The following BICRA variants were observed in gnomAD, a reference collection of about 807,000 sequenced individuals.
The protein encoded by BICRA is BRD4 interacting chromatin remodeling complex associated protein.
A neutral mutation model predicts 96.9 loss-of-function variants in BICRA; 31 were observed. The observed-to-expected ratio is 0.32, with a 90% CI of 0.24 to 0.43. The LOEUF (loss-of-function observed/expected upper bound fraction) is 0.43. BICRA is among the 20% of genes least tolerant of loss of function. The pLI is 1.00. For missense variants in BICRA, 2,283 were observed against 2,190.3 expected, an observed-to-expected ratio of 1.04 and a Z score of -0.84; for synonymous variants, 1,350 against 1,071.8, an observed-to-expected ratio of 1.26 and a Z score of -5.07.
In BICRA at chr19:47,679,701, C is replaced by G. The variant is rs1311645644; in HGVS notation, c.531C>G (p.Thr177=). Reference sequence around the variant, plus strand: ...TGCAGGGCCCGCCTACCGTGCTGACCCACCAGGCCCTGGTGCCGCCCCAGG... The same window carrying G: ...TGCAGGGCCCGCCTACCGTGCTGACGCACCAGGCCCTGGTGCCGCCCCAGG... ...LGLQGPPTVL[T]HQALVPPQDV... Residue 177 remains threonine, a synonymous_variant, in exon 6 of 15, where the codon ACC becomes ACG. Coordinates refer to ENST00000594866, the MANE Select transcript of BICRA (RefSeq NM_001394372.1). The G allele has an allele frequency of 1.3e-6, 2 of 1,533,332 alleles. No homozygotes were observed. The highest frequency in any genetic ancestry group is 2.5e-5 in the East Asian group (1 of 40,462). 95.0% of individuals were successfully genotyped at this position (1,533,332 alleles called of 1,614,324 possible).
chr19:47,611,078 G>A (rs1285885762), intron 1 of BICRA, among the ~76,000 whole-genome samples: 1 of 152,156 alleles, frequency 6.6e-6, no homozygotes, highest in African/African-American at 2.4e-5. Flanking sequence ...GAGGCTCAGA[G>A]AGGTTAAGAA....
chr19:47,682,991 G>A (rs10418509), intron 7 of BICRA, among the ~76,000 whole-genome samples: 49,379 of 152,004 alleles, frequency 0.32, 8,614 homozygotes, highest in African/African-American at 0.46. Context: ...ATTCTCTTGT[G>A]TGACTGCGTA....
Position 47,694,383 on chromosome 19 carries a change from C to T in BICRA, c.2552C>T (p.Ala851Val). ...GTTCCCCCGCCTGCCAGCAACCCGG[C>T]CCCTACTGCCCCAGGCCCGCCGCAG... ...LGVPPPASNPAPTAPGPPQPP... is the reference protein window; with the variant it reads ...LGVPPPASNPVPTAPGPPQPP... Residue 851 changes from alanine (A) to valine (V), a missense_variant, in exon 8 of 15, where the codon GCC (alanine) becomes GTC (valine). Transcript: ENST00000594866. The T allele has an allele frequency of 1.7e-6, 2 of 1,162,440 alleles. No individual in the cohort carries two copies. Among genetic ancestry groups the T allele is most frequent in the Non-Finnish European group, 1.3e-6 (1 of 792,960 alleles). The allele number at this position is 1,162,440 out of a possible 1,614,324, so 72.0% of individuals were successfully genotyped here. A position where few individuals can be genotyped will look rare whatever the true frequency, so the allele number is the denominator to read the frequency against.
chr19:47,668,276 G>C (rs1393061718), intron 1 of BICRA, among the ~76,000 whole-genome samples: 1 of 152,102 alleles, frequency 6.6e-6, no homozygotes, highest in Non-Finnish European at 1.5e-5. Flanking sequence ...CACAGATCCC[G>C]TATTTGCGAA....
chr19:47,629,463 A>G (rs190060828), intron 1 of BICRA, among the ~76,000 whole-genome samples: 1 of 152,134 alleles, frequency 6.6e-6, no homozygotes, highest in African/African-American at 2.4e-5. Flanking sequence ...CACTTATTGT[A>G]TTGTCCTGAA....
chr19:47,650,476 C>T (rs182213432), intron 1 of BICRA, among the ~76,000 whole-genome samples: 9 of 152,248 alleles, frequency 5.9e-5, no homozygotes, highest in East Asian at 5.8e-4. Flanking sequence ...AGGCTGGTCT[C>T]GAACTCCTGA....
At chr19:47,664,910 CTG>C (rs749494333) in intron 1 of BICRA, among the ~76,000 whole-genome samples, 50,634 of 151,670 alleles carry the variant, frequency 0.33, 8,993 homozygotes, top group East Asian at 0.58. Flanking sequence ...AGCAGGCCCA[CTG>C]GGTGGGGGGC....
chr19:47,644,766 G>T (rs1310196383), intron 1 of BICRA, among the ~76,000 whole-genome samples: 1 of 152,192 alleles, frequency 6.6e-6, no homozygotes, highest in African/African-American at 2.4e-5. Context: ...CTCCCAAAGT[G>T]CTGGGATTCC....
chr19:47,614,763 A>G (rs951778570), intron 1 of BICRA, among the ~76,000 whole-genome samples: 2 of 152,146 alleles, frequency 1.3e-5, no homozygotes, highest in African/African-American at 2.4e-5. Flanking sequence ...TCTTGGCTGC[A>G]TGGTATTCCT....
intron 4 of BICRA, 29 bp downstream of exon 4, chr19:47,673,791 CCT>C (rs1972901703): frequency 6.3e-7 from 1 of 1,587,958 alleles, no homozygotes; most frequent in Non-Finnish European, 8.6e-7. Flanking sequence ...AGAGGCATTC[CCT>C]GAGTGGGGGG....
intron 14 of BICRA, chr19:47,700,717 C>G (rs2075480320): frequency 6.6e-6 from 1 of 151,700 alleles, no homozygotes. Flanking sequence ...TCGCTTGAAC[C>G]CAGGAGGCGG....
At chr19:47,695,342 T>TCGGGGGCCCCCCCCCC in intron 9 of BICRA, 23 bp from the exon 10 acceptor site, 1 of 630,178 alleles carries the variant, frequency 1.6e-6, no homozygotes, top group East Asian at 2.8e-5. Context: ...AGGCCCTGTC[T>TCGGGGGCCCCCCCCCC]CCCCCACCCC....
Position 47,694,368 on chromosome 19 carries a change from C to T in BICRA, c.2537C>T (p.Pro846Leu). 7.6e-7 allele frequency: 1 copy of T among 1,312,938 alleles called. No individual in the cohort carries two copies. The highest frequency in any genetic ancestry group is 1.1e-6 in the Non-Finnish European group (1 of 930,018). The allele number at this position is 1,312,938 out of a possible 1,614,324, so 81.3% of individuals were successfully genotyped here. The change falls in exon 8 of 15, where the codon CCT becomes CTT. Residue 846 changes from proline to leucine, a missense_variant. Transcript: ENST00000594866. ...CAAAACCAGCTAGGCGTTCCCCCGCCTGCCAGCAACCCGGCCCCTACTGCC... is the reference window on the plus strand; with the variant it reads ...CAAAACCAGCTAGGCGTTCCCCCGCTTGCCAGCAACCCGGCCCCTACTGCC... ...VIQNQLGVPP[P>L]ASNPAPTAPG...
intron 7 of BICRA, among the ~76,000 whole-genome samples, chr19:47,685,331 G>A (rs937810082): frequency 6.6e-6 from 1 of 152,268 alleles, no homozygotes; most frequent in Admixed American, 6.5e-5. Flanking sequence ...ACAGGCAGGT[G>A]TGCACACGAG....
rs1158119527 is a variant in BICRA, at chr19:47,702,398, A to G, written c.4666A>G (p.Arg1556Gly). The G allele has an allele frequency of 4.6e-6, 7 of 1,517,326 alleles. No homozygotes were observed. The highest frequency in any genetic ancestry group is 6.1e-6 in the Non-Finnish European group (7 of 1,146,136). 94.0% of individuals were successfully genotyped at this position (1,517,326 alleles called of 1,614,324 possible). A position where few individuals can be genotyped will look rare whatever the true frequency, so the allele number is the denominator to read the frequency against. Residue 1556 changes from arginine to glycine, a missense_variant, in exon 15 of 15, where the codon AGG becomes GGG. By Grantham distance (125) the Arg-to-Gly change is moderately radical. Transcript: ENST00000594866. Reference protein sequence around the residue: ...PSSHNGGLGARTLTR With the variant: ...PSSHNGGLGAGTLTR ...CAGTCACAACGGTGGCCTCGGCGCC[A>G]GGACGTTGACCAGATAACACCGGGC...
chr19:47,627,534 G>A (rs1368635631), intron 1 of BICRA, among the ~76,000 whole-genome samples: 4 of 152,282 alleles, frequency 2.6e-5, no homozygotes, highest in African/African-American at 4.8e-5. Flanking sequence ...GCAGCTCCCC[G>A]TCAGCACATA....
At chr19:47,643,219 C>G (rs1334141137) in intron 1 of BICRA, among the ~76,000 whole-genome samples, 7 of 152,262 alleles carry the variant, frequency 4.6e-5, no homozygotes. Flanking sequence ...ATCTGCCCAC[C>G]TCAGCCTTCC....
chr19:47,673,769 A>C lies in BICRA; in HGVS notation c.84+7A>C, dbSNP rs759106800. On this transcript the variant is annotated splice_region_variant and intron_variant, in intron 4 of 14. Transcript: ENST00000594866. ...CTTGCATGGATCCGAGAAGGTAAGC[A>C]TGGGCGCAGGGAGAGGCATTCCCTG... 1 of 1,611,022 alleles carries C rather than the reference A, an allele frequency of 6.2e-7. No homozygotes were observed. Among genetic ancestry groups the C allele is most frequent in the Non-Finnish European group, 8.5e-7 (1 of 1,177,634 alleles).
intron 1 of BICRA, among the ~76,000 whole-genome samples, chr19:47,614,463 A>C (rs770161683): frequency 6.6e-6 from 1 of 152,200 alleles, no homozygotes; most frequent in African/African-American, 2.4e-5. Flanking sequence ...CTAAAAATAC[A>C]AAAATGAGCT....
Sources: gnomAD v4.1 joint callset for allele counts (sites outside exome capture counted in the v4.1 genomes callset) on GRCh38, gnomAD v4.1.1 for gene constraint, MANE v1.5 for transcripts, NCBI Gene and HGNC (gene_info 2026-07-23, HGNC 2026-07-21) for gene names.